ZNF433: variants seen among roughly 807,000 people sequenced by gnomAD.
ZNF433 encodes the protein zinc finger protein 433.
A neutral mutation model predicts 10.6 loss-of-function variants in ZNF433; 12 were observed. The ratio of observed to expected loss-of-function variants is 1.13; its 90% CI spans 0.72 to 1.83. ZNF433 has a LOEUF of 1.83. Among genes scored for constraint, ZNF433 ranks in the 40% most tolerant of loss-of-function variants. The pLI, the probability that ZNF433 is intolerant of heterozygous loss-of-function variation, is 0.00. For missense variants in ZNF433, 737 were observed against 798.0 expected (o/e 0.92, Z 0.92); for synonymous variants, 272 against 271.3 (o/e 1.00, Z -0.02).
At chr19:12,032,421 G>A (rs1975078290) in intron 1 of ZNF433, among the ~76,000 whole-genome samples, 1 of 151,474 alleles carries the variant, frequency 6.6e-6, no homozygotes, top group Non-Finnish European at 1.5e-5. Context: ...CCTGAGAAAT[G>A]TACTACACTG....
intron 1 of ZNF433, chr19:12,030,279 G>A: frequency 2.7e-6 from 1 of 375,774 alleles, no homozygotes; most frequent in Admixed American, 3.4e-5. Context: ...GGAGTGCAGT[G>A]GCATGATCTC....
Position 12,016,597 on chromosome 19 carries a change from T to A in ZNF433, c.261A>T (p.Pro87=). The stretch of plus-strand genomic sequence containing the variant: ...TAGTTGTTTTCTTCAGCATGTCATC[T>A]GGAACCTGGGTCAAAATTTCTCCAT... ...HQHGEILTQV[P]DDMLKKTTTG... is the part of the protein sequence containing the mutation. The change falls in exon 4 of 4, where the codon CCA becomes CCT. Residue 87 remains proline (P), a synonymous_variant. Coordinates refer to ENST00000550507, the MANE Select transcript of ZNF433 (RefSeq NM_001308348.2). The A allele has an allele frequency of 6.2e-7, 1 of 1,614,194 alleles. No individual in the cohort carries two copies. The highest frequency in any genetic ancestry group is 8.5e-7 in the Non-Finnish European group (1 of 1,180,044).
At chr19:12,021,235 C>A (rs552384679) in intron 1 of ZNF433, among the ~76,000 whole-genome samples, 1 of 152,200 alleles carries the variant, frequency 6.6e-6, no homozygotes, top group African/African-American at 2.4e-5. Flanking sequence ...CCCACCTCAG[C>A]CTCCCAAAGT....
intron 1 of ZNF433, 44 bp downstream of exon 1, chr19:12,035,493 A>G: frequency 1.3e-6 from 2 of 1,562,050 alleles, no homozygotes; most frequent in South Asian, 1.2e-5. Flanking sequence ...GCCGGTTCCA[A>G]CCAGCTCCTC....
At chr19:12,017,833 A>AT in intron 3 of ZNF433, 43 bp downstream of exon 3, 3 of 1,187,792 alleles carry the variant, frequency 2.5e-6, no homozygotes, top group East Asian at 2.5e-5. Flanking sequence ...CCATTCTAAG[A>AT]TTTTCTAGAG....
Position 12,017,878 on chromosome 19 carries a change from T to C in ZNF433, c.189A>G (p.Leu63=). The stretch of plus-strand genomic sequence containing the variant: ...TTTGTCATGTGAGTGCAAGTTACCT[T>C]AGGTTTCTCCTTAGATTTTCGTACT... ...YVEYENLRRN[L]RIVGERLFES... is the part of the protein sequence containing the mutation. Residue 63 remains leucine, a splice_region_variant and synonymous_variant, in exon 3 of 4, where the codon CTA becomes CTG. Transcript: ENST00000550507. 2 of 1,585,220 alleles carry C rather than the reference T, an allele frequency of 1.3e-6. No individual in the cohort carries two copies. Among genetic ancestry groups the C allele is most frequent in the Non-Finnish European group, 1.7e-6 (2 of 1,168,484 alleles).
rs774787090 is a variant in ZNF433, at chr19:12,035,543, T to C, written c.-4A>G. On this transcript the variant is annotated 5_prime_UTR_variant, in exon 1 of 4. Coordinates refer to ENST00000550507, the MANE Select transcript of ZNF433 (RefSeq NM_001308348.2). The stretch of plus-strand genomic sequence containing the variant: ...CCCTGGCCCGCACGCTCACCATTTC[T>C]TGCCTTTCAGGTGACTCCCACGACC... 1.3e-6 allele frequency: 2 copies of C among 1,573,172 alleles called. No homozygotes were observed. Among genetic ancestry groups the C allele is most frequent in the South Asian group, 1.2e-5 (1 of 85,600 alleles).
chr19:12,014,760 A>G lies in ZNF433; in HGVS notation c.*85T>C. The G allele has an allele frequency of 5.1e-6, 5 of 972,916 alleles. No individual in the cohort carries two copies. Among genetic ancestry groups the G allele is most frequent in the Non-Finnish European group, 7.3e-6 (5 of 682,778 alleles). 60.3% of individuals were successfully genotyped at this position (972,916 alleles called of 1,614,324 possible). A position where few individuals can be genotyped will look rare whatever the true frequency, so the allele number is the denominator to read the frequency against. On this transcript the variant is annotated 3_prime_UTR_variant, in exon 4 of 4. Transcript: ENST00000550507. ...TTTTATTTATTTATTTAATTTTTAT[A>G]ACAGAGTCTCACTATGTTGCCCAGG...
At chr19:12,033,089 C>CT (rs754399965) in intron 1 of ZNF433, among the ~76,000 whole-genome samples, 5,459 of 145,794 alleles carry the variant, frequency 0.037, 347 homozygotes, top group African/African-American at 0.13. Flanking sequence ...AGTGCATTTC[C>CT]TTTTTTTTTT....
chr19:12,020,353 T>C (rs1355209737), intron 1 of ZNF433, among the ~76,000 whole-genome samples: 2 of 152,110 alleles, frequency 1.3e-5, no homozygotes, highest in Admixed American at 1.3e-4. Flanking sequence ...GTATATGAAG[T>C]GGTGCTCAAC....
At chr19:12,021,082 C>T (rs1468831243) in intron 1 of ZNF433, among the ~76,000 whole-genome samples, 1 of 150,824 alleles carries the variant, frequency 6.6e-6, no homozygotes, top group African/African-American at 2.4e-5. Flanking sequence ...CAGGTTCAAG[C>T]AATTCTCCTG....
chr19:12,033,337 T>A (rs1279763044), intron 1 of ZNF433, among the ~76,000 whole-genome samples: 1 of 152,102 alleles, frequency 6.6e-6, no homozygotes, highest in African/African-American at 2.4e-5. Context: ...CCTCAAGTGA[T>A]CTACCCACCT....
chr19:12,024,490 A>T (rs1483451580), intron 1 of ZNF433: 2 of 152,260 alleles, frequency 1.3e-5, no homozygotes, highest in Admixed American at 1.3e-4. Flanking sequence ...ATGACTTTCA[A>T]AAAGTACTAA....
In ZNF433 at chr19:12,024,956, T is replaced by G. The variant is rs115997684; in HGVS notation, c.4-6664A>C. ...TTACTTGGCAAACCCATTAGCTGAC[T>G]TTGTGGGTATTCTCGATAATCATTT... On this transcript the variant is annotated intron_variant, in intron 1 of 3. Coordinates refer to ENST00000550507, the MANE Select transcript of ZNF433 (RefSeq NM_001308348.2). 984 of 152,348 alleles carry G rather than the reference T, an allele frequency of 6.5e-3. 16 individuals are homozygous for G. Among genetic ancestry groups the G allele is most frequent in the African/African-American group, 0.023 (941 of 41,580 alleles). The allele number at this position is 152,348 out of a possible 1,614,324, so 9.4% of individuals were successfully genotyped here.
At chr19:12,022,905 A>G (rs1249217605) in intron 1 of ZNF433, among the ~76,000 whole-genome samples, 1 of 152,150 alleles carries the variant, frequency 6.6e-6, no homozygotes, top group Non-Finnish European at 1.5e-5. Context: ...TTCCCCAATG[A>G]GTGTTCGAGC....
intron 1 of ZNF433, among the ~76,000 whole-genome samples, chr19:12,022,851 C>G (rs549197408): frequency 1.1e-4 from 16 of 152,160 alleles, no homozygotes; most frequent in Non-Finnish European, 1.8e-4. Context: ...GTGGCCTGAC[C>G]CACCAGATCT....
chr19:12,019,908 T>G (rs1439701743), intron 1 of ZNF433, among the ~76,000 whole-genome samples: 2 of 152,108 alleles, frequency 1.3e-5, no homozygotes, highest in Non-Finnish European at 2.9e-5. Flanking sequence ...AAATTGAAGT[T>G]TATTATTTTA....
At chr19:12,027,644 A>C (rs1974804676) in intron 1 of ZNF433, among the ~76,000 whole-genome samples, 1 of 152,250 alleles carries the variant, frequency 6.6e-6, no homozygotes, top group Admixed American at 6.5e-5. Context: ...GAAACAATGC[A>C]TATCACTGGC....
At chr19:12,026,689 A>T (rs1254226996) in intron 1 of ZNF433, 2 of 454,102 alleles carry the variant, frequency 4.4e-6, no homozygotes, top group South Asian at 3.1e-5. Flanking sequence ...GGTCAGAAAA[A>T]ATGAACGTAC....
Sources: allele counts gnomAD v4.1 joint callset (sites outside exome capture counted in the v4.1 genomes callset), GRCh38; gene constraint gnomAD v4.1.1; transcripts MANE v1.5; gene names NCBI Gene and HGNC (gene_info 2026-07-23, HGNC 2026-07-21).